CDH7: variants seen among roughly 807,000 people sequenced by gnomAD.
The protein encoded by CDH7 is cadherin-7.
In CDH7, 25 loss-of-function variants were observed where a neutral mutation model predicts 71.8. That is an observed-to-expected ratio of 0.35 (90% CI 0.25 to 0.49). CDH7 has a LOEUF of 0.49. Ranked by LOEUF, CDH7 falls within the 20% of genes least tolerant of loss-of-function variation. The pLI is 0.99. For missense variants in CDH7, 862 were observed against 974.6 expected (o/e 0.88, Z 1.54); for synonymous variants, 381 against 363.8 (o/e 1.05, Z -0.54).
chr18:65,857,718 G>C, intron 7 of CDH7, 98 bp from the exon 8 acceptor site: 1 of 1,168,874 alleles, frequency 8.6e-7, no homozygotes, highest in Non-Finnish European at 1.2e-6. Flanking sequence ...AGAGTCAGTA[G>C]GATTTAGTAA....
chr18:65,862,942 T>C, intron 11 of CDH7, 25 bp downstream of exon 11: 2 of 1,608,040 alleles, frequency 1.2e-6, no homozygotes, highest in Non-Finnish European at 1.7e-6. Context: ...CAGGGCTTGC[T>C]CTGAAAGAGC....
At chr18:65,765,902 C>T (rs1916349017) in intron 2 of CDH7, among the ~76,000 whole-genome samples, 1 of 152,010 alleles carries the variant, frequency 6.6e-6, no homozygotes, top group African/African-American at 2.4e-5. Context: ...CAATTCAATT[C>T]TGTTACTCAA....
At chr18:65,828,357 T>A (rs1041288961) in intron 6 of CDH7, among the ~76,000 whole-genome samples, 1 of 152,134 alleles carries the variant, frequency 6.6e-6, no homozygotes, top group Admixed American at 6.5e-5. Context: ...ACACAGTTGA[T>A]CCTTAAAAAC....
At chr18:65,789,095 C>A (rs560378584) in intron 2 of CDH7, among the ~76,000 whole-genome samples, 33 of 152,246 alleles carry the variant, frequency 2.2e-4, no homozygotes, top group African/African-American at 7.5e-4. Flanking sequence ...CTTGTCCTTC[C>A]TGCAGATTGT....
intron 7 of CDH7, 26 bp from the exon 8 acceptor site, chr18:65,857,790 T>TTTTCTTC: frequency 6.2e-7 from 1 of 1,605,934 alleles, no homozygotes; most frequent in Non-Finnish European, 8.5e-7. Context: ...TGTTGAAGGC[T>TTTTCTTC]TTTCTTTTCT....
rs1269769112 is a variant in CDH7 at position 65,781,905 on chromosome 18, T to TC, written c.210+18853_210+18854insC. On this transcript the variant is annotated intron_variant, in intron 2 of 11. Coordinates refer to ENST00000397968, the MANE Select transcript of CDH7 (RefSeq NM_004361.5). ...GTCTCTCTCTCTCTTTCTCTCTATC[T>TC]TTCTCTCTTTCTCTCTTTCTCTCTC... Among the ~76,000 whole-genome samples the TC allele has an allele frequency of 2.5e-4, 27 of 107,754 alleles. 1 individual carries two copies. Among genetic ancestry groups the TC allele is most frequent in the South Asian group, 6.6e-4 (2 of 3,048 alleles). The allele number at this position is 107,754 out of a possible 152,430, so 70.7% of individuals were successfully genotyped here.
At position 65,884,387 on chromosome 18, in the gene CDH7, T is replaced by C. The variant is rs1914314104; in HGVS notation, c.*3493T>C. 1 of 152,130 alleles carries C rather than the reference T, an allele frequency of 6.6e-6. No individual in the cohort carries two copies. The highest frequency in any genetic ancestry group is 1.5e-5 in the Non-Finnish European group (1 of 68,012). 9.4% of individuals were successfully genotyped at this position (152,130 alleles called of 1,614,324 possible). A position where few individuals can be genotyped will look rare whatever the true frequency, so the allele number is the denominator to read the frequency against. On this transcript the variant is annotated 3_prime_UTR_variant, in exon 12 of 12. Coordinates refer to ENST00000397968, the MANE Select transcript of CDH7 (RefSeq NM_004361.5). ...ATCACCAGATCTGGGATCTGGTAAA[T>C]GTCTTTATTTGCCAGGAAGCTCTGC...
intron 2 of CDH7, among the ~76,000 whole-genome samples, chr18:65,787,681 A>G (rs546687400): frequency 6.6e-6 from 1 of 152,324 alleles, no homozygotes; most frequent in South Asian, 2.1e-4. Flanking sequence ...AGCTGTGATT[A>G]CTCATTTAGT....
intron 7 of CDH7, among the ~76,000 whole-genome samples, chr18:65,845,214 T>C (rs1405305649): frequency 6.6e-6 from 1 of 151,644 alleles, no homozygotes. Flanking sequence ...TATATGTATA[T>C]ATATACATAC....
At chr18:65,764,051 T>A (rs1916282963) in intron 2 of CDH7, among the ~76,000 whole-genome samples, 1 of 152,104 alleles carries the variant, frequency 6.6e-6, no homozygotes, top group Non-Finnish European at 1.5e-5. Flanking sequence ...AGTTTTATAT[T>A]TGTCTTCCTG....
intron 6 of CDH7, among the ~76,000 whole-genome samples, chr18:65,833,132 C>T (rs1912411332): frequency 6.6e-6 from 1 of 152,138 alleles, no homozygotes; most frequent in Non-Finnish European, 1.5e-5. Flanking sequence ...AATAATACAG[C>T]ATTATGTGGA....
At chr18:65,751,613 G>C (rs542001029) in intron 1 of CDH7, among the ~76,000 whole-genome samples, 63 of 152,326 alleles carry the variant, frequency 4.1e-4, no homozygotes, top group East Asian at 5.8e-4. Context: ...CTTTGGGCAG[G>C]AGTCCTTTGA....
At chr18:65,792,183 G>A (rs1910735090) in intron 2 of CDH7, among the ~76,000 whole-genome samples, 1 of 117,016 alleles carries the variant, frequency 8.5e-6, no homozygotes, top group Non-Finnish European at 1.7e-5. Context: ...GCTGCAGCCA[G>A]TCTTTTTTTT....
rs893545693 is a variant in CDH7 at position 65,887,256 on chromosome 18, A to G, written c.*6362A>G. ...TGTATATGACCAATACTTTAAGAACAATCAAGTTTTTTTATTATTATTATT... is the reference window on the plus strand; with the variant it reads ...TGTATATGACCAATACTTTAAGAACGATCAAGTTTTTTTATTATTATTATT... On this transcript the variant is annotated 3_prime_UTR_variant, in exon 12 of 12. Coordinates refer to ENST00000397968, the MANE Select transcript of CDH7 (RefSeq NM_004361.5). The G allele has an allele frequency of 1.3e-5, 2 of 152,096 alleles. No homozygotes were observed. Among genetic ancestry groups the G allele is most frequent in the African/African-American group, 4.8e-5 (2 of 41,422 alleles). The allele number at this position is 152,096 out of a possible 1,614,324, so 9.4% of individuals were successfully genotyped here. A position where few individuals can be genotyped will look rare whatever the true frequency, so the allele number is the denominator to read the frequency against.
At chr18:65,754,476 A>C (rs921816158) in intron 1 of CDH7, among the ~76,000 whole-genome samples, 1 of 152,218 alleles carries the variant, frequency 6.6e-6, no homozygotes, top group Non-Finnish European at 1.5e-5. Context: ...AAATGTAAAA[A>C]ATTATACCTT....
chr18:65,786,052 A>G (rs144330245), intron 2 of CDH7, among the ~76,000 whole-genome samples: 247 of 152,270 alleles, frequency 1.6e-3, no homozygotes, highest in African/African-American at 5.6e-3. Context: ...GAATAAATAA[A>G]TGGTAGTGAT....
chr18:65,786,733 G>C (rs1472748510), intron 2 of CDH7, among the ~76,000 whole-genome samples: 1 of 151,968 alleles, frequency 6.6e-6, no homozygotes, highest in Non-Finnish European at 1.5e-5. Flanking sequence ...GCCCAGGCCG[G>C]AGTGCAGTGG....
At chr18:65,872,932 A>G (rs1211268650) in intron 11 of CDH7, among the ~76,000 whole-genome samples, 1 of 151,798 alleles carries the variant, frequency 6.6e-6, no homozygotes, top group East Asian at 1.9e-4. Context: ...GTCTATAAAA[A>G]TTTAAAAAAA....
chr18:65,791,406 G>A (rs1281510366), intron 2 of CDH7, among the ~76,000 whole-genome samples: 1 of 152,168 alleles, frequency 6.6e-6, no homozygotes, highest in African/African-American at 2.4e-5. Flanking sequence ...TGGTTTGTAA[G>A]CTATATTGTT....
Sources: gnomAD v4.1 joint callset for allele counts (sites outside exome capture counted in the v4.1 genomes callset) on GRCh38, gnomAD v4.1.1 for gene constraint, MANE v1.5 for transcripts, NCBI Gene and HGNC (gene_info 2026-07-23, HGNC 2026-07-21) for gene names.